The following DOCK2 variants were observed in gnomAD, a reference collection of about 807,000 sequenced individuals.
DOCK2 encodes dedicator of cytokinesis protein 2.
DOCK2 carries 87 observed loss-of-function variants against 248.9 expected under a neutral mutation model. That is an observed-to-expected ratio of 0.35 (90% confidence interval 0.29 to 0.42). The LOEUF (loss-of-function observed/expected upper bound fraction) is 0.42. Among genes scored for constraint, DOCK2 ranks in the 10% least tolerant of loss-of-function variants. The pLI, the probability that DOCK2 is intolerant of heterozygous loss-of-function variation, is 1.00. For synonymous variants in DOCK2, 805 were observed against 821.6 expected (o/e 0.98, Z 0.35); for missense variants, 1,747 against 2,300.2 (o/e 0.76, Z 4.92).
At chr5:169,658,929 A>G (rs1758284564) in intron 2 of DOCK2, among the ~76,000 whole-genome samples, 1 of 151,136 alleles carries the variant, frequency 6.6e-6, no homozygotes. Flanking sequence ...AACCACCTAT[A>G]ATTAATCATT....
chr5:169,730,328 G>A (rs1311076469), intron 22 of DOCK2, among the ~76,000 whole-genome samples: 1 of 152,216 alleles, frequency 6.6e-6, no homozygotes, highest in African/African-American at 2.4e-5. Context: ...GAGGTGCAGG[G>A]AGGAAAGCTA....
At chr5:169,926,576 C>G (rs1775473283) in intron 27 of DOCK2, among the ~76,000 whole-genome samples, 2 of 152,236 alleles carry the variant, frequency 1.3e-5, no homozygotes, top group South Asian at 4.1e-4. Context: ...AGTGATGTGG[C>G]ACATCAGCTC....
intron 27 of DOCK2, chr5:169,875,863 C>A (rs1030982524): frequency 6.6e-6 from 1 of 152,386 alleles, no homozygotes; most frequent in African/African-American, 2.4e-5. Flanking sequence ...ATAAACTGGC[C>A]TCCAATTATG....
intron 48 of DOCK2, 123 bp downstream of exon 48, chr5:170,077,960 C>A (rs1056653182): frequency 2.4e-6 from 2 of 836,462 alleles, no homozygotes; most frequent in Non-Finnish European, 3.7e-6. Context: ...AGTTTAAAAG[C>A]CTTTTCCCAT....
intron 6 of DOCK2, among the ~76,000 whole-genome samples, chr5:169,676,914 C>A (rs1455508557): frequency 6.6e-6 from 1 of 152,126 alleles, no homozygotes. Flanking sequence ...GCAATGAGAA[C>A]CAGTGATAAC....
intron 27 of DOCK2, among the ~76,000 whole-genome samples, chr5:169,970,125 A>G (rs1430973161): frequency 1.3e-5 from 2 of 152,198 alleles, no homozygotes; most frequent in Non-Finnish European, 2.9e-5. Context: ...GATGATTTTC[A>G]TTATGCAGAG....
chr5:169,643,785 A>G (rs1466569598), intron 1 of DOCK2, among the ~76,000 whole-genome samples: 2 of 152,232 alleles, frequency 1.3e-5, no homozygotes, highest in African/African-American at 2.4e-5. Flanking sequence ...GGTGGACAGT[A>G]TGACGTGCAC....
intron 23 of DOCK2, among the ~76,000 whole-genome samples, chr5:169,753,123 G>A (rs185310306): frequency 1.3e-5 from 2 of 152,290 alleles, no homozygotes; most frequent in East Asian, 3.9e-4. Context: ...TTTATTAAGT[G>A]TCAAGTGTTG....
At chr5:169,969,569 G>A (rs1777425740) in intron 27 of DOCK2, among the ~76,000 whole-genome samples, 1 of 152,240 alleles carries the variant, frequency 6.6e-6, no homozygotes, top group Non-Finnish European at 1.5e-5. Flanking sequence ...GGAGAGTGGG[G>A]AGAATTCAGA....
chr5:169,991,879 A>G (rs1778219112), intron 29 of DOCK2, among the ~76,000 whole-genome samples: 1 of 152,228 alleles, frequency 6.6e-6, no homozygotes, highest in Admixed American at 6.5e-5. Context: ...CTTATGTTTA[A>G]TGGGTATAAC....
At chr5:169,836,292 C>T (rs913479451) in intron 26 of DOCK2, among the ~76,000 whole-genome samples, 6 of 152,130 alleles carry the variant, frequency 3.9e-5, no homozygotes, top group Non-Finnish European at 8.8e-5. Context: ...AGTATTCAGG[C>T]TTCTTGATAT....
chr5:169,846,940 G>A (rs1422334898), intron 27 of DOCK2, among the ~76,000 whole-genome samples: 2 of 151,882 alleles, frequency 1.3e-5, no homozygotes, highest in South Asian at 2.1e-4. Flanking sequence ...TTATAAGTAA[G>A]AACATGCTGT....
intron 30 of DOCK2, chr5:169,997,960 T>C (rs1487674210): frequency 8.8e-6 from 4 of 456,212 alleles, no homozygotes; most frequent in Non-Finnish European, 1.8e-5. Context: ...ACAACTACCC[T>C]TTCTACTTCA....
At chr5:170,062,478 C>T (rs1757366934) in intron 44 of DOCK2, among the ~76,000 whole-genome samples, 2 of 152,116 alleles carry the variant, frequency 1.3e-5, no homozygotes, top group African/African-American at 2.4e-5. Context: ...CTCAGGCATG[C>T]ACCCTGCTCT....
At chr5:169,834,845 G>T (rs1020570233) in intron 26 of DOCK2, among the ~76,000 whole-genome samples, 1 of 152,248 alleles carries the variant, frequency 6.6e-6, no homozygotes, top group Non-Finnish European at 1.5e-5. Context: ...TCACATAGAA[G>T]AGAGAGTGAA....
chr5:169,882,840 C>T (rs1355818869), intron 27 of DOCK2: 1 of 1,551,056 alleles, frequency 6.4e-7, no homozygotes, highest in South Asian at 1.2e-5. Flanking sequence ...GCTCCTGACA[C>T]CCAGGGGCAG....
At chr5:169,716,329 T>C in intron 20 of DOCK2, 27 bp downstream of exon 20, 1 of 1,606,302 alleles carries the variant, frequency 6.2e-7, no homozygotes, top group Non-Finnish European at 8.5e-7. Flanking sequence ...AAGTGTCTAG[T>C]GACAACAGGC....
At chr5:169,808,621 T>A (rs1472192031) in intron 26 of DOCK2, among the ~76,000 whole-genome samples, 3 of 152,144 alleles carry the variant, frequency 2.0e-5, no homozygotes, top group Non-Finnish European at 4.4e-5. Context: ...AGTTGTCAAC[T>A]CCAGTTACTT....
rs367719104 is a variant in DOCK2 at position 170,035,812 on chromosome 5, C to T, written c.3625-703C>T. 3.5e-4 allele frequency among the ~76,000 whole-genome samples: 53 copies of T among 152,258 alleles called. No individual in the cohort carries two copies. In the South Asian group the frequency reaches 1.0e-2, roughly 29 times the overall value. On this transcript the variant is annotated intron_variant, in intron 35 of 51. Coordinates refer to ENST00000520908, the MANE Select transcript of DOCK2 (RefSeq NM_004946.3). ...CACCCTTCTCTGACCCTCAGGTGCA[C>T]GTGGGTGTGCTGCATTAAACCAGGA...
Sources: gnomAD v4.1 joint callset for allele counts (sites outside exome capture counted in the v4.1 genomes callset) on GRCh38, gnomAD v4.1.1 for gene constraint, MANE v1.5 for transcripts, NCBI Gene and HGNC (gene_info 2026-07-23, HGNC 2026-07-21) for gene names.